The following CDC14B variants were observed in gnomAD, a reference collection of about 807,000 sequenced individuals.
CDC14B encodes the protein cell division cycle 14B.
Under a neutral mutation model 64.2 loss-of-function variants are expected in CDC14B, and 22 were observed. The ratio of observed to expected loss-of-function variants is 0.34; its 90% CI spans 0.24 to 0.49. The LOEUF is 0.49. Among genes scored for constraint, CDC14B ranks in the 20% least tolerant of loss-of-function variants. The pLI is 0.99. For missense variants in CDC14B, 498 were observed against 629.9 expected (o/e 0.79, Z 2.24); for synonymous variants, 191 against 215.8 (o/e 0.89, Z 1.01).
intron 1 of CDC14B, among the ~76,000 whole-genome samples, chr9:96,576,504 G>A (rs1052133663): frequency 2.0e-5 from 3 of 150,482 alleles, no homozygotes; most frequent in South Asian, 2.1e-4. Flanking sequence ...GTGGCCATGG[G>A]TACCTGTAAT....
Position 96,515,859 on chromosome 9 carries a change from T to A in CDC14B, c.1344-6070A>T. The A allele has an allele frequency of 8.4e-6, 12 of 1,429,850 alleles. No individual in the cohort carries two copies. The highest frequency in any genetic ancestry group is 1.1e-5 in the Non-Finnish European group (12 of 1,059,144). The allele number at this position is 1,429,850 out of a possible 1,614,324, so 88.6% of individuals were successfully genotyped here. ...GAAGCCAAAATAAATTACGCAATCA[T>A]CAATCAATCAAGCCATATGTGAATT... On this transcript the variant is annotated intron_variant, in intron 12 of 13. Transcript: ENST00000375241. This position sits in a 1 kb window ranked among gnomAD's most constrained non-coding sequence, Gnocchi z 4.3.
intron 1 of CDC14B, among the ~76,000 whole-genome samples, chr9:96,600,369 T>G (rs556149519): frequency 1.3e-5 from 2 of 152,024 alleles, no homozygotes; most frequent in African/African-American, 4.8e-5. Flanking sequence ...GAGGGGCTGA[T>G]GAGAGGCTCT....
At chr9:96,508,163 C>G (rs1834419333) in intron 13 of CDC14B, among the ~76,000 whole-genome samples, 1 of 151,966 alleles carries the variant, frequency 6.6e-6, no homozygotes, top group East Asian at 1.9e-4. Context: ...CCACAGGTGC[C>G]TGCCACCACA....
chr9:96,618,280 T>C (rs1588090500), intron 1 of CDC14B, among the ~76,000 whole-genome samples: 1 of 152,192 alleles, frequency 6.6e-6, no homozygotes, highest in African/African-American at 2.4e-5. Context: ...GGTTGACACA[T>C]TCCCCGCCAC....
chr9:96,504,179 G>A, intron 13 of CDC14B, among the ~76,000 whole-genome samples: 1 of 152,026 alleles, frequency 6.6e-6, no homozygotes, highest in East Asian at 1.9e-4. Flanking sequence ...GGAGGAGCGG[G>A]CAGAATGAAA....
At chr9:96,539,674 C>T (rs2131829713) in intron 6 of CDC14B, among the ~76,000 whole-genome samples, 1 of 152,272 alleles carries the variant, frequency 6.6e-6, no homozygotes, top group Admixed American at 6.5e-5. Flanking sequence ...ACAGCTCTGA[C>T]ATCAACACTA....
rs1028103748 is a variant in CDC14B at position 96,619,499 on chromosome 9, G to A, written c.-121C>T. On this transcript the variant is annotated 5_prime_UTR_variant, in exon 1 of 14. Coordinates refer to ENST00000375241, the MANE Select transcript of CDC14B (RefSeq NM_033331.4). The stretch of plus-strand genomic sequence containing the variant: ...CGGCGGGCGCAGAGCGGCGCTGCGG[G>A]GACGGCGGGCGCCGGCAGAGCCCGG... 62 of 402,016 alleles carry A rather than the reference G, an allele frequency of 1.5e-4. No individual in the cohort carries two copies. Among genetic ancestry groups the A allele is most frequent in the Admixed American group, 3.3e-4 (5 of 14,992 alleles). The allele number at this position is 402,016 out of a possible 1,614,324, so 24.9% of individuals were successfully genotyped here.
At chr9:96,516,192 C>G (rs927178647) in intron 12 of CDC14B, among the ~76,000 whole-genome samples, 1 of 152,068 alleles carries the variant, frequency 6.6e-6, no homozygotes, top group African/African-American at 2.4e-5. Context: ...CAAAAAAACA[C>G]AAAACCCCAG....
At chr9:96,558,535 T>TA (rs1277451505) in intron 4 of CDC14B, among the ~76,000 whole-genome samples, 1 of 152,228 alleles carries the variant, frequency 6.6e-6, no homozygotes, top group Non-Finnish European at 1.5e-5. Flanking sequence ...TCTAGAAATA[T>TA]AAAAACTTCT....
intron 1 of CDC14B, among the ~76,000 whole-genome samples, chr9:96,592,730 G>A (rs957048591): frequency 6.6e-6 from 1 of 152,044 alleles, no homozygotes; most frequent in East Asian, 1.9e-4. Flanking sequence ...CCAAGATCGC[G>A]CCACTGCAGT....
rs199833553 is a variant in CDC14B at position 96,523,250 on chromosome 9, G to T, written c.1245+11C>A. On this transcript the variant is annotated intron_variant, in intron 11 of 13. Coordinates refer to ENST00000375241, the MANE Select transcript of CDC14B (RefSeq NM_033331.4). ...GCAGTAACAACATCGCAACAGAAAC[G>T]GCTTGATTACCGGTTCGGGTTCTTG... 540 of 1,613,484 alleles carry T rather than the reference G, an allele frequency of 3.3e-4. 2 individuals carry two copies. The highest frequency in any genetic ancestry group is 2.5e-3 in the Middle Eastern group (15 of 5,910).
chr9:96,596,563 A>G (rs559236103), intron 1 of CDC14B, among the ~76,000 whole-genome samples: 80 of 152,188 alleles, frequency 5.3e-4, no homozygotes, highest in African/African-American at 1.9e-3. Flanking sequence ...AAGGGAAAAC[A>G]ATACAAAAAA....
chr9:96,597,369 C>T (rs545698698), intron 1 of CDC14B, among the ~76,000 whole-genome samples: 135 of 152,148 alleles, frequency 8.9e-4, no homozygotes, highest in African/African-American at 3.1e-3. Context: ...TGGCATGCGC[C>T]TGTGATCCCA....
At chr9:96,494,396 A>C (rs1352359099) in intron 13 of CDC14B, among the ~76,000 whole-genome samples, 1 of 152,216 alleles carries the variant, frequency 6.6e-6, no homozygotes, top group African/African-American at 2.4e-5. Flanking sequence ...GGTACTGCAC[A>C]CTGCAGCAGT....
intron 1 of CDC14B, among the ~76,000 whole-genome samples, chr9:96,591,752 C>CT (rs879516095): frequency 0.051 from 7,493 of 146,806 alleles, 620 homozygotes; most frequent in African/African-American, 0.17. Flanking sequence ...TCTTTAATTT[C>CT]TTTTTTTTTT....
downstream of CDC14B, among the ~76,000 whole-genome samples, chr9:96,496,676 C>T (rs990360175): frequency 6.6e-6 from 1 of 152,196 alleles, no homozygotes; most frequent in Non-Finnish European, 1.5e-5. Context: ...AGGGAGACCC[C>T]GCTGGCTCCA....
chr9:96,617,325 GAAGA>G (rs1262840307), intron 1 of CDC14B, among the ~76,000 whole-genome samples: 3 of 151,878 alleles, frequency 2.0e-5, no homozygotes, highest in Non-Finnish European at 2.9e-5. Context: ...TCTCCATCAA[GAAGA>G]AAGATTTATT....
chr9:96,605,929 T>A (rs995272828), intron 1 of CDC14B, among the ~76,000 whole-genome samples: 2 of 152,066 alleles, frequency 1.3e-5, no homozygotes, highest in Non-Finnish European at 2.9e-5. Flanking sequence ...TGGTGTTATG[T>A]TCAATGGGAT....
At position 96,554,558 on chromosome 9, in the gene CDC14B, GA is replaced by G. The variant is rs1256650777; in HGVS notation, c.421-2687del. On this transcript the variant is annotated intron_variant, in intron 4 of 13. Transcript: ENST00000375241. The stretch of plus-strand genomic sequence containing the variant: ...AATGTAACATTTTTTTCCTATGGGG[GA>G]AAAAACCCCTAAATTCCTGACGATG... Among the ~76,000 whole-genome samples the G allele has an allele frequency of 6.6e-5, 10 of 151,910 alleles. No individual in the cohort carries two copies. In the South Asian group the frequency reaches 1.2e-3, roughly 19 times the overall value.
Sources: allele counts gnomAD v4.1 joint callset (sites outside exome capture counted in the v4.1 genomes callset), GRCh38; gene constraint gnomAD v4.1.1; non-coding constraint Gnocchi (gnomAD v3.1); transcripts MANE v1.5; gene names NCBI Gene and HGNC (gene_info 2026-07-23, HGNC 2026-07-21).